CREB3L2: variants seen among roughly 807,000 people sequenced by gnomAD.
CREB3L2 encodes cAMP responsive element binding protein 3 like 2.
A neutral mutation model predicts 57.2 loss-of-function variants in CREB3L2; 23 were observed. That is an observed-to-expected ratio of 0.40 (90% CI 0.29 to 0.57). CREB3L2 has a LOEUF of 0.57. Ranked by LOEUF, CREB3L2 falls within the 20% of genes least tolerant of loss-of-function variation. The pLI, the probability that CREB3L2 is intolerant of heterozygous loss-of-function variation, is 0.42. For missense variants in CREB3L2, 628 were observed against 634.7 expected (o/e 0.99, Z 0.11); for synonymous variants, 268 against 265.1 (o/e 1.01, Z -0.11).
intron 8 of CREB3L2, among the ~76,000 whole-genome samples, chr7:137,887,109 AT>A (rs1431829433): frequency 6.6e-6 from 1 of 152,232 alleles, no homozygotes; most frequent in Non-Finnish European, 1.5e-5. Flanking sequence ...AGACAGCCAC[AT>A]AAGTTCACTG....
intron 2 of CREB3L2, among the ~76,000 whole-genome samples, chr7:137,916,677 AT>A (rs1800141054): frequency 6.7e-6 from 1 of 149,508 alleles, no homozygotes; most frequent in Non-Finnish European, 1.5e-5. Flanking sequence ...TGATCACATC[AT>A]TGTACTCCAG....
intron 8 of CREB3L2, among the ~76,000 whole-genome samples, chr7:137,899,937 T>C (rs1799718037): frequency 6.6e-6 from 1 of 152,228 alleles, no homozygotes; most frequent in Admixed American, 6.5e-5. Context: ...TTTGCACAAT[T>C]GTTACTGGGC....
At chr7:137,964,714 A>C (rs918931536) in intron 1 of CREB3L2, among the ~76,000 whole-genome samples, 3 of 152,246 alleles carry the variant, frequency 2.0e-5, no homozygotes, top group African/African-American at 7.2e-5. Flanking sequence ...ATAGAGAGTC[A>C]TAATCCAGTA....
intron 1 of CREB3L2, among the ~76,000 whole-genome samples, chr7:137,929,183 A>G (rs1240558003): frequency 6.6e-6 from 1 of 152,132 alleles, no homozygotes; most frequent in Non-Finnish European, 1.5e-5. Flanking sequence ...CTTTGGACAT[A>G]ATATAGGACT....
At chr7:137,904,795 T>C (rs937051585) in intron 6 of CREB3L2, among the ~76,000 whole-genome samples, 2 of 148,054 alleles carry the variant, frequency 1.4e-5, no homozygotes, top group African/African-American at 5.0e-5. Flanking sequence ...GCCGAGATCA[T>C]GCCACTACAC....
intron 1 of CREB3L2, among the ~76,000 whole-genome samples, chr7:137,929,460 C>A (rs1224670723): frequency 6.6e-6 from 1 of 152,126 alleles, no homozygotes; most frequent in African/African-American, 2.4e-5. Context: ...AGCACTCCCC[C>A]AGTTGTGAAA....
At chr7:137,907,088 G>A (rs1799905908) in intron 5 of CREB3L2, among the ~76,000 whole-genome samples, 1 of 152,198 alleles carries the variant, frequency 6.6e-6, no homozygotes. Flanking sequence ...TGGGCCTCCT[G>A]AAAGAAAGGG....
intron 1 of CREB3L2, among the ~76,000 whole-genome samples, chr7:137,987,003 G>C (rs918286819): frequency 6.6e-6 from 1 of 152,218 alleles, no homozygotes. Flanking sequence ...CCTGGAGCTG[G>C]TTTGGGCCTT....
At chr7:137,957,194 C>T (rs771848289) in intron 1 of CREB3L2, among the ~76,000 whole-genome samples, 3 of 152,164 alleles carry the variant, frequency 2.0e-5, no homozygotes, top group African/African-American at 7.2e-5. Context: ...CCTCCCTTCT[C>T]CACCTGGAAA....
At chr7:137,957,469 T>A (rs1801239060) in intron 1 of CREB3L2, among the ~76,000 whole-genome samples, 1 of 152,162 alleles carries the variant, frequency 6.6e-6, no homozygotes, top group Admixed American at 6.5e-5. Flanking sequence ...CTGTACAGCA[T>A]CCTGACTGTC....
chr7:137,886,205 G>A (rs541219524), intron 8 of CREB3L2, among the ~76,000 whole-genome samples: 27 of 152,232 alleles, frequency 1.8e-4, no homozygotes, highest in African/African-American at 5.8e-4. Flanking sequence ...AGAAAATGTC[G>A]ATTAAAAGAA....
At chr7:137,956,095 T>C (rs527435782) in intron 1 of CREB3L2, among the ~76,000 whole-genome samples, 1 of 152,294 alleles carries the variant, frequency 6.6e-6, no homozygotes, top group African/African-American at 2.4e-5. Flanking sequence ...GCACCAGGTA[T>C]TTGGTGGCAA....
chr7:137,941,019 CCTG>C (rs1352719430), intron 1 of CREB3L2, among the ~76,000 whole-genome samples: 18 of 152,316 alleles, frequency 1.2e-4, no homozygotes, highest in East Asian at 1.9e-4. Flanking sequence ...CACTTTGGCT[CCTG>C]CTCTGTGAGA....
At chr7:137,902,754 T>C (rs188343654) in intron 7 of CREB3L2, among the ~76,000 whole-genome samples, 1 of 152,052 alleles carries the variant, frequency 6.6e-6, no homozygotes, top group Non-Finnish European at 1.5e-5. Flanking sequence ...AAATATGTGT[T>C]ATCTTGTATT....
Position 138,001,778 on chromosome 7 carries a change from A to G in CREB3L2, c.-73T>C. 1 of 1,133,012 alleles carries G rather than the reference A, an allele frequency of 8.8e-7. No homozygotes were observed. Among genetic ancestry groups the G allele is most frequent in the African/African-American group, 1.6e-5 (1 of 64,028 alleles). 70.2% of individuals were successfully genotyped at this position (1,133,012 alleles called of 1,614,324 possible). A position where few individuals can be genotyped will look rare whatever the true frequency, so the allele number is the denominator to read the frequency against. On this transcript the variant is annotated 5_prime_UTR_variant, in exon 1 of 12. Transcript: ENST00000330387. The surrounding 1 kb of genome is among the most constrained non-coding windows in gnomAD (Gnocchi z 4.2). The stretch of plus-strand genomic sequence containing the variant: ...CGCGCAGAGCTGCCTCGGACCGGCA[A>G]GGTTCCTCTCTCTCCGCGTGTGCTT...
intron 1 of CREB3L2, among the ~76,000 whole-genome samples, chr7:137,997,591 G>C (rs534756310): frequency 2.6e-5 from 4 of 152,088 alleles, no homozygotes; most frequent in African/African-American, 7.2e-5. Context: ...AGCCAGGCAT[G>C]GTGGCACACA....
At chr7:137,992,712 G>A (rs1009212628) in intron 1 of CREB3L2, among the ~76,000 whole-genome samples, 1 of 152,186 alleles carries the variant, frequency 6.6e-6, no homozygotes, top group Non-Finnish European at 1.5e-5. Flanking sequence ...TTAACAGCTG[G>A]TATGGAAGCC....
chr7:137,902,756 T>C (rs1294495079), intron 7 of CREB3L2, among the ~76,000 whole-genome samples: 2 of 152,130 alleles, frequency 1.3e-5, no homozygotes, highest in African/African-American at 4.8e-5. Flanking sequence ...ATATGTGTTA[T>C]CTTGTATTTA....
At chr7:137,920,184 C>T (rs1227569524) in intron 2 of CREB3L2, among the ~76,000 whole-genome samples, 2 of 151,958 alleles carry the variant, frequency 1.3e-5, no homozygotes, top group African/African-American at 4.9e-5. Flanking sequence ...TGACCTCCCA[C>T]CTTGGGCTGA....
Sources: gnomAD v4.1 joint callset for allele counts (sites outside exome capture counted in the v4.1 genomes callset) on GRCh38, gnomAD v4.1.1 for gene constraint, Gnocchi (gnomAD v3.1) non-coding constraint, MANE v1.5 for transcripts, NCBI Gene and HGNC (gene_info 2026-07-23, HGNC 2026-07-21) for gene names.